Variants in CACNA1C observed in about 807,000 individuals in gnomAD.
The protein encoded by CACNA1C is voltage-dependent L-type calcium channel subunit alpha-1C.
A neutral mutation model predicts 229.0 loss-of-function variants in CACNA1C; 30 were observed. The ratio of observed to expected loss-of-function variants is 0.13; its 90% CI spans 0.10 to 0.18. The LOEUF (loss-of-function observed/expected upper bound fraction) is 0.18. Among genes scored for constraint, CACNA1C ranks in the 10% least tolerant of loss-of-function variants. The pLI is 1.00. For synonymous variants in CACNA1C, 1,114 were observed against 1,132.5 expected (o/e 0.98, Z 0.33); for missense variants, 1,658 against 2,845.0 (o/e 0.58, Z 9.49).
chr12:2,565,195 G>GC (rs2049756914), intron 11 of CACNA1C, among the ~76,000 whole-genome samples: 1 of 151,950 alleles, frequency 6.6e-6, no homozygotes, highest in Non-Finnish European at 1.5e-5. Context: ...CCGGCCGGGC[G>GC]CGGTGGCTCA....
intron 7 of CACNA1C, among the ~76,000 whole-genome samples, chr12:2,499,213 C>T (rs1254099102): frequency 6.6e-6 from 1 of 152,194 alleles, no homozygotes; most frequent in Non-Finnish European, 1.5e-5. Context: ...GTTGATGGAG[C>T]TATTGCCCTG....
intron 3 of CACNA1C, among the ~76,000 whole-genome samples, chr12:2,139,901 G>A (rs1471189158): frequency 6.6e-6 from 1 of 151,176 alleles, no homozygotes; most frequent in South Asian, 2.1e-4. Context: ...CCTAAGCACC[G>A]AGGCCATCCA....
chr12:2,315,568 G>A (rs1362084351), intron 3 of CACNA1C, among the ~76,000 whole-genome samples: 1 of 152,182 alleles, frequency 6.6e-6, no homozygotes, highest in East Asian at 1.9e-4. Context: ...GGAAAGAAAC[G>A]AAGGCAGGTG....
chr12:2,509,301 C>CA (rs199704207), intron 8 of CACNA1C, among the ~76,000 whole-genome samples: 1,930 of 152,282 alleles, frequency 0.013, 19 homozygotes, highest in Non-Finnish European at 0.02. Flanking sequence ...GATGGCCCAA[C>CA]ATACACAGTC....
chr12:2,127,850 G>A (rs2090726922), intron 3 of CACNA1C, among the ~76,000 whole-genome samples: 3 of 152,158 alleles, frequency 2.0e-5, no homozygotes, highest in Admixed American at 2.0e-4. Flanking sequence ...ATCTCTTTTG[G>A]CACGTGGAGT....
chr12:2,261,011 A>G (rs1224078466), intron 3 of CACNA1C, among the ~76,000 whole-genome samples: 2 of 152,192 alleles, frequency 1.3e-5, no homozygotes. Flanking sequence ...CTGGCAGATC[A>G]CAAGGTCAGG....
At chr12:2,490,694 C>T (rs2099720961) in intron 6 of CACNA1C, among the ~76,000 whole-genome samples, 1 of 152,186 alleles carries the variant, frequency 6.6e-6, no homozygotes, top group African/African-American at 2.4e-5. Context: ...TTTAGCCTCC[C>T]CCTTTTTTGT....
At position 1,971,070 on chromosome 12, in the gene CACNA1C, G is replaced by A. The variant is rs759324264; in HGVS notation, c.8G>A (p.Arg3Gln). ...TACATCTGGAAATTCACAATGCTTC[G>A]AGCCTTTGTTCAGCCTGGTACGCCT... Residue 3 changes from arginine (R) to glutamine (Q), a missense_variant, in exon 1 of 47, where the codon CGA (arginine) becomes CAA (glutamine). Coordinates refer to the CACNA1C transcript ENST00000682462. This position sits in a 1 kb window ranked among gnomAD's most constrained non-coding sequence, Gnocchi z 4.2. 121 of 1,288,084 alleles carry A rather than the reference G, an allele frequency of 9.4e-5. No individual in the cohort carries two copies. The highest frequency in any genetic ancestry group is 1.2e-4 in the Non-Finnish European group (116 of 988,118). 79.8% of individuals were successfully genotyped at this position (1,288,084 alleles called of 1,614,324 possible).
intron 8 of CACNA1C, among the ~76,000 whole-genome samples, chr12:2,511,243 C>T (rs1363518645): frequency 6.6e-6 from 1 of 152,192 alleles, no homozygotes; most frequent in Non-Finnish European, 1.5e-5. Context: ...GTTCCCTAGG[C>T]CCCACCCCAG....
At chr12:2,572,615 T>C (rs1421820269) in intron 13 of CACNA1C, among the ~76,000 whole-genome samples, 21 of 67,372 alleles carry the variant, frequency 3.1e-4, no homozygotes, top group South Asian at 6.3e-4. Context: ...CCTTCTCCTC[T>C]TCCTCCTCCT....
chr12:2,611,965 C>G lies in CACNA1C; in HGVS notation c.3780C>G (p.Gly1260=). The change falls in exon 29 of 47, where the codon GGC becomes GGG. Residue 1260 remains glycine, a synonymous_variant. Coordinates refer to ENST00000399655, the MANE Select transcript of CACNA1C (RefSeq NM_000719.7). ...AMNILNMLFT[G]LFTVEMILKL... ...ACATCCTCAACATGCTCTTCACTGG[C>G]CTCTTCACCGTGGAGATGATCCTGA... is the stretch of plus-strand genomic sequence containing the variant. 1.2e-6 allele frequency: 2 copies of G among 1,613,528 alleles called. No homozygotes were observed. Among genetic ancestry groups the G allele is most frequent in the Middle Eastern group, 3.3e-4 (2 of 6,058 alleles).
Position 2,566,562 on chromosome 12 carries a change from A to G in CACNA1C, c.1649A>G (p.Asn550Ser), listed in dbSNP as rs781306162. 62 of 1,598,624 alleles carry G rather than the reference A, an allele frequency of 3.9e-5. No homozygotes were observed. The highest frequency in any genetic ancestry group is 4.7e-5 in the Non-Finnish European group (55 of 1,172,908). The change falls in exon 12 of 47, where the codon AAC becomes AGC. Residue 550 changes from asparagine (N) to serine (S), a missense_variant. Asn to Ser is a conservative substitution (Grantham distance 46). Around this residue, in one of 20 missense-constraint regions of CACNA1C, gnomAD observed 149 missense variants for 194.2 expected, o/e 0.77. Transcript: ENST00000399655. The surrounding 1 kb of genome is among the most constrained non-coding windows in gnomAD (Gnocchi z 4.0). ...TIASEHYNQP[N>S]WLTEVQDTAN... ...GCCTCTGAGCACTACAACCAGCCCA[A>G]CTGGCTCACAGAAGTCCAAGGTGAG...
In CACNA1C at chr12:2,666,651, C is replaced by G; in HGVS notation, c.4527-35C>G. The G allele has an allele frequency of 1.4e-6, 2 of 1,428,552 alleles. No homozygotes were observed. Among genetic ancestry groups the G allele is most frequent in the Non-Finnish European group, 1.9e-6 (2 of 1,031,478 alleles). The allele number at this position is 1,428,552 out of a possible 1,614,324, so 88.5% of individuals were successfully genotyped here. ...GGCTGCTGGCAGAGACCGTGGCTCT[C>G]TGATGCCCTGTCCCTCCTCTCCCTC... On this transcript the variant is annotated intron_variant, in intron 36 of 46. Transcript: ENST00000399655. This position sits in a 1 kb window ranked among gnomAD's most constrained non-coding sequence, Gnocchi z 5.3.
At chr12:2,216,170 G>A (rs2059925469) in intron 3 of CACNA1C, among the ~76,000 whole-genome samples, 2 of 152,204 alleles carry the variant, frequency 1.3e-5, no homozygotes, top group African/African-American at 4.8e-5. Flanking sequence ...CCAGGGCTTA[G>A]GGATGAAATG....
chr12:2,678,986 A>G lies in CACNA1C; in HGVS notation c.5092-458A>G, dbSNP rs1446259193. 6.6e-6 allele frequency among the ~76,000 whole-genome samples: 1 copy of G among 152,226 alleles called. No homozygotes were observed. The highest frequency in any genetic ancestry group is 1.5e-5 in the Non-Finnish European group (1 of 68,038). ...TGGCCAACCAGCTTTTAGCTCTGTG[A>G]GCACACTGGGTTTCCATTTTTTAAA... On this transcript the variant is annotated intron_variant, in intron 41 of 46. Transcript: ENST00000399655. This position sits in a 1 kb window ranked among gnomAD's most constrained non-coding sequence, Gnocchi z 4.1.
intron 3 of CACNA1C, among the ~76,000 whole-genome samples, chr12:2,299,229 A>G (rs1555413957): frequency 1.3e-5 from 2 of 152,058 alleles, no homozygotes; most frequent in Non-Finnish European, 2.9e-5. Flanking sequence ...CCTGGGCCCC[A>G]CCTCCTCCTT....
At chr12:2,534,662 T>C (rs2099848992) in intron 9 of CACNA1C, among the ~76,000 whole-genome samples, 1 of 152,138 alleles carries the variant, frequency 6.6e-6, no homozygotes, top group African/African-American at 2.4e-5. Context: ...CAAGTCCTCA[T>C]CTCTCCAGAT....
At chr12:2,360,962 G>A (rs1021543483) in intron 3 of CACNA1C, among the ~76,000 whole-genome samples, 15 of 152,040 alleles carry the variant, frequency 9.9e-5, no homozygotes, top group African/African-American at 3.1e-4. Context: ...ACGACCATGC[G>A]CAAGCTCTCT....
intron 1 of CACNA1C, among the ~76,000 whole-genome samples, chr12:2,069,496 G>A (rs746021127): frequency 3.3e-5 from 5 of 152,174 alleles, no homozygotes; most frequent in East Asian, 1.9e-4. Flanking sequence ...CAGTGTGACC[G>A]AGCTTGTAAC....
Sources: gnomAD v4.1 joint callset for allele counts (sites outside exome capture counted in the v4.1 genomes callset) on GRCh38, gnomAD v4.1.1 for gene constraint, gnomAD v4.1.1 regional missense constraint, Gnocchi (gnomAD v3.1) non-coding constraint, MANE v1.5 for transcripts, NCBI Gene and HGNC (gene_info 2026-07-23, HGNC 2026-07-21) for gene names.